MAP7: variants seen among roughly 807,000 people sequenced by gnomAD.
The protein encoded by MAP7 is ensconsin.
Under a neutral mutation model 94.8 loss-of-function variants are expected in MAP7, and 52 were observed. The ratio of observed to expected loss-of-function variants is 0.55; its 90% confidence interval spans 0.44 to 0.69. MAP7 has a LOEUF of 0.69. Among genes scored for constraint, MAP7 ranks in the 30% least tolerant of loss-of-function variants. The pLI is 0.00. For synonymous variants in MAP7, 350 were observed against 357.0 expected (o/e 0.98, Z 0.22); for missense variants, 940 against 964.6 (o/e 0.97, Z 0.34).
In MAP7 at chr6:136,386,822, C is replaced by T. The variant is rs530299423; in HGVS notation, c.526+1571G>A. 1.2e-4 allele frequency among the ~76,000 whole-genome samples: 18 copies of T among 152,266 alleles called. 1 individual carries two copies. In the South Asian group the frequency reaches 2.9e-3, roughly 25 times the overall value. Reference sequence around the variant, plus strand: ...AACAAATTTTTAATTTTTTAAATTACATTTCTGAATCAGGTTCTCACTCTG... The same window carrying T: ...AACAAATTTTTAATTTTTTAAATTATATTTCTGAATCAGGTTCTCACTCTG... On this transcript the variant is annotated intron_variant, in intron 5 of 17. Transcript: ENST00000354570.
In MAP7 at chr6:136,360,818, G is replaced by A. The variant is rs1053013397; in HGVS notation, c.1702-20C>T. ...TTCTTTCTGAAAACAGAAGGTCGGC[G>A]TCTGCCTCTGACAAACAGGCGGGCT... On this transcript the variant is annotated intron_variant, in intron 12 of 17. Coordinates refer to ENST00000354570, the MANE Select transcript of MAP7 (RefSeq NM_003980.6). The A allele has an allele frequency of 3.7e-6, 6 of 1,611,436 alleles. No individual in the cohort carries two copies. The highest frequency in any genetic ancestry group is 1.7e-4 in the Middle Eastern group (1 of 6,042).
chr6:136,421,686 T>G lies in MAP7; in HGVS notation c.166+15A>C, dbSNP rs1791412353. ...ATAACCTTTATTTTCCCACAGTTAA[T>G]GCAATGCATCATACCTGGTTTATTT... On this transcript the variant is annotated intron_variant, in intron 2 of 17. Coordinates refer to ENST00000354570, the MANE Select transcript of MAP7 (RefSeq NM_003980.6). 6.3e-7 allele frequency: 1 copy of G among 1,599,188 alleles called. No homozygotes were observed. The highest frequency in any genetic ancestry group is 8.6e-7 in the Non-Finnish European group (1 of 1,166,542).
intron 1 of MAP7, among the ~76,000 whole-genome samples, chr6:136,476,375 C>A (rs1810920448): frequency 6.6e-6 from 1 of 152,132 alleles, no homozygotes; most frequent in Non-Finnish European, 1.5e-5. Flanking sequence ...GCAGTAGCCA[C>A]AGTTTAGATA....
At chr6:136,519,259 CT>C (rs1439350148) in intron 1 of MAP7, among the ~76,000 whole-genome samples, 6 of 152,018 alleles carry the variant, frequency 3.9e-5, no homozygotes, top group Admixed American at 1.3e-4. Flanking sequence ...TGAATTTGAC[CT>C]CAAGATTTCC....
intron 1 of MAP7, among the ~76,000 whole-genome samples, chr6:136,459,914 G>T (rs998180655): frequency 6.6e-5 from 10 of 152,038 alleles, no homozygotes; most frequent in Admixed American, 1.3e-4. Context: ...TTACCACAAT[G>T]AACAAAACAG....
At chr6:136,530,600 A>T (rs901828026) in intron 1 of MAP7, among the ~76,000 whole-genome samples, 2 of 146,454 alleles carry the variant, frequency 1.4e-5, no homozygotes, top group East Asian at 3.9e-4. Context: ...TCTTGAAGTT[A>T]AAGGGCAGCC....
chr6:136,492,293 T>G (rs1473322839), intron 1 of MAP7, among the ~76,000 whole-genome samples: 3 of 152,238 alleles, frequency 2.0e-5, no homozygotes, highest in Non-Finnish European at 4.4e-5. Flanking sequence ...TTCAGTAATA[T>G]GAACACAGTT....
chr6:136,352,534 T>C (rs1238857442), intron 16 of MAP7, among the ~76,000 whole-genome samples: 2 of 152,140 alleles, frequency 1.3e-5, no homozygotes, highest in Admixed American at 6.5e-5. Context: ...TCCCTATCAT[T>C]CCCACAAGTG....
At chr6:136,353,483 A>G (rs566186017) in intron 16 of MAP7, among the ~76,000 whole-genome samples, 2 of 152,230 alleles carry the variant, frequency 1.3e-5, no homozygotes, top group Non-Finnish European at 1.5e-5. Context: ...AATCAGTACC[A>G]TATGTATATT....
chr6:136,413,437 G>A (rs750996644), intron 2 of MAP7, among the ~76,000 whole-genome samples: 1 of 151,002 alleles, frequency 6.6e-6, no homozygotes, highest in African/African-American at 2.4e-5. Context: ...CAGGAGAATC[G>A]CTTGAATCCG....
chr6:136,449,335 A>G (rs1562413123), intron 1 of MAP7, among the ~76,000 whole-genome samples: 1 of 152,200 alleles, frequency 6.6e-6, no homozygotes, highest in Non-Finnish European at 1.5e-5. Flanking sequence ...AAACAAAACA[A>G]AAATGTAAGG....
intron 1 of MAP7, among the ~76,000 whole-genome samples, chr6:136,507,764 C>G (rs189313719): frequency 6.6e-6 from 1 of 152,180 alleles, no homozygotes; most frequent in Non-Finnish European, 1.5e-5. Flanking sequence ...ATAGGTGTCA[C>G]TACTAGCCCT....
chr6:136,448,156 C>T (rs918462292), intron 1 of MAP7, among the ~76,000 whole-genome samples: 6 of 152,072 alleles, frequency 3.9e-5, no homozygotes, highest in Non-Finnish European at 8.8e-5. Flanking sequence ...CACGCCACTG[C>T]ACTCCAGCCT....
chr6:136,519,026 T>A (rs146409580), intron 1 of MAP7, among the ~76,000 whole-genome samples: 46 of 152,334 alleles, frequency 3.0e-4, no homozygotes, highest in African/African-American at 9.4e-4. Flanking sequence ...TAAATCATGT[T>A]CCTCTTGTAC....
At chr6:136,430,281 C>T (rs184747174) in intron 1 of MAP7, among the ~76,000 whole-genome samples, 1 of 152,276 alleles carries the variant, frequency 6.6e-6, no homozygotes, top group Admixed American at 6.5e-5. Flanking sequence ...TAATGATTTA[C>T]TTTAAGGAAA....
intron 3 of MAP7, among the ~76,000 whole-genome samples, chr6:136,399,719 T>C (rs1405630475): frequency 6.6e-6 from 1 of 152,212 alleles, no homozygotes; most frequent in Non-Finnish European, 1.5e-5. Context: ...TCAATAATTG[T>C]TGTGATTACT....
intron 8 of MAP7, among the ~76,000 whole-genome samples, chr6:136,368,899 T>C (rs1054989498): frequency 2.0e-5 from 3 of 152,186 alleles, no homozygotes; most frequent in Admixed American, 1.3e-4. Context: ...TGCAGAAATA[T>C]AAAAATTCAA....
intron 1 of MAP7, among the ~76,000 whole-genome samples, chr6:136,478,125 A>G (rs940484614): frequency 6.6e-6 from 1 of 152,218 alleles, no homozygotes; most frequent in African/African-American, 2.4e-5. Context: ...ACCAAAACCT[A>G]TAGGATACAG....
At chr6:136,420,178 G>T in intron 2 of MAP7, 1 of 981,046 alleles carries the variant, frequency 1.0e-6, no homozygotes, top group Non-Finnish European at 1.7e-6. Context: ...TATCTGCAGT[G>T]GGCCCCCAGA....
Sources: gnomAD v4.1 joint callset for allele counts (sites outside exome capture counted in the v4.1 genomes callset) on GRCh38, gnomAD v4.1.1 for gene constraint, MANE v1.5 for transcripts, NCBI Gene and HGNC (gene_info 2026-07-23, HGNC 2026-07-21) for gene names.